TBX5: variants seen among roughly 807,000 people sequenced by gnomAD.
TBX5 encodes the protein T-box transcription factor TBX5.
TBX5 carries 8 observed loss-of-function variants against 51.1 expected under a neutral mutation model. That is an observed-to-expected ratio of 0.16 (90% CI 0.09 to 0.28). The LOEUF is 0.28. Among genes scored for constraint, TBX5 ranks in the 10% least tolerant of loss-of-function variants. The pLI is 1.00. For synonymous variants in TBX5, 302 were observed against 266.4 expected (o/e 1.13, Z -1.30); for missense variants, 589 against 671.7 (o/e 0.88, Z 1.36).
intron 5 of TBX5, 27 bp downstream of exon 5, chr12:114,398,546 G>A: frequency 3.1e-6 from 5 of 1,608,970 alleles, no homozygotes; most frequent in Non-Finnish European, 4.2e-6. Context: ...GGGAGACAAG[G>A]CGGGGAATCC....
chr12:114,363,080 G>A (rs142873819), intron 8 of TBX5, among the ~76,000 whole-genome samples: 2 of 152,314 alleles, frequency 1.3e-5, no homozygotes, highest in Non-Finnish European at 2.9e-5. Context: ...GCACTTGTAG[G>A]TGCCAGACAC....
intron 8 of TBX5, among the ~76,000 whole-genome samples, chr12:114,363,967 G>A (rs7135659): frequency 0.66 from 100,254 of 152,066 alleles, 33,745 homozygotes; most frequent in Non-Finnish European, 0.74. Context: ...CAGACGTGCC[G>A]GGAGTCACGC....
intron 6 of TBX5, among the ~76,000 whole-genome samples, chr12:114,393,197 CTCTCCTGTCCAGTCCCCA>C (rs1470624540): frequency 1.3e-5 from 2 of 152,168 alleles, no homozygotes; most frequent in Non-Finnish European, 2.9e-5. Flanking sequence ...CTTCTCCGGC[CTCTCCTGTCCAGTCCCCA>C]GCTCCTGCAG....
intron 7 of TBX5, among the ~76,000 whole-genome samples, chr12:114,373,838 A>G (rs1201533423): frequency 6.6e-6 from 1 of 152,268 alleles, no homozygotes; most frequent in Non-Finnish European, 1.5e-5. Context: ...ATTTTAGTCC[A>G]GTCTTGTAAA....
intron 7 of TBX5, among the ~76,000 whole-genome samples, chr12:114,370,272 AGAAAAGAAAAGAAAAGAAAG>A (rs765825398): frequency 0.073 from 6,064 of 82,920 alleles, 361 homozygotes; most frequent in Non-Finnish European, 0.13. Context: ...AGAAAAGAAA[AGAAAAGAAAAGAAAAGAAAG>A]AAAAGAAAAG....
At chr12:114,384,745 A>ACACACACACACAAC (rs10629159) in intron 7 of TBX5, among the ~76,000 whole-genome samples, 5,710 of 114,878 alleles carry the variant, frequency 0.05, 112 homozygotes, top group Non-Finnish European at 0.064. Context: ...ACACACACAC[A>ACACACACACACAAC]ACACACACAC....
At chr12:114,365,963 G>C in intron 8 of TBX5, 1 of 666,744 alleles carries the variant, frequency 1.5e-6, no homozygotes, top group Non-Finnish European at 2.7e-6. Context: ...AGGAGGGGCT[G>C]GAACTGGGGG....
chr12:114,398,802 C>A, intron 4 of TBX5, 82 bp from the exon 5 acceptor site: 1 of 1,521,224 alleles, frequency 6.6e-7, no homozygotes, highest in Admixed American at 2.0e-5. Flanking sequence ...TCAGTTCACG[C>A]ACCAGGTGAG....
intron 6 of TBX5, among the ~76,000 whole-genome samples, chr12:114,393,341 C>T (rs1871259517): frequency 6.6e-6 from 1 of 152,132 alleles, no homozygotes; most frequent in Admixed American, 6.5e-5. Flanking sequence ...GGACCCCCCT[C>T]CCACTTTGCC....
At chr12:114,372,820 T>A (rs1390916989) in intron 7 of TBX5, among the ~76,000 whole-genome samples, 8 of 152,096 alleles carry the variant, frequency 5.3e-5, no homozygotes, top group Non-Finnish European at 1.5e-5. Context: ...TGTGCCTTCC[T>A]TCAGTATCCA....
chr12:114,380,986 G>T (rs1273037957), intron 7 of TBX5, among the ~76,000 whole-genome samples: 3 of 152,064 alleles, frequency 2.0e-5, no homozygotes, highest in African/African-American at 7.2e-5. Flanking sequence ...TAATTGGTCT[G>T]CTTGAGACAG....
At chr12:114,383,457 G>T (rs116064481) in intron 7 of TBX5, among the ~76,000 whole-genome samples, 113 of 152,320 alleles carry the variant, frequency 7.4e-4, no homozygotes, top group African/African-American at 2.7e-3. Flanking sequence ...CAGGCCAGAT[G>T]GGAAGGTCAT....
intron 3 of TBX5, 98 bp downstream of exon 3, chr12:114,401,728 G>A: frequency 9.7e-7 from 1 of 1,029,878 alleles, no homozygotes; most frequent in Non-Finnish European, 1.5e-6. Context: ...CTCTCCTTTT[G>A]CCCCTTTCCT....
intron 7 of TBX5, among the ~76,000 whole-genome samples, chr12:114,381,106 G>A (rs1259405199): frequency 6.6e-6 from 1 of 152,198 alleles, no homozygotes; most frequent in Non-Finnish European, 1.5e-5. Flanking sequence ...GGAAAATAAA[G>A]AAGACATCAT....
intron 7 of TBX5, among the ~76,000 whole-genome samples, chr12:114,384,486 T>C (rs534209919): frequency 4.4e-4 from 67 of 152,272 alleles, no homozygotes; most frequent in Non-Finnish European, 8.8e-5. Context: ...AAGCCCGCTA[T>C]CTAAAAACAA....
rs536993995 is a variant in TBX5 at position 114,355,053 on chromosome 12, C to T, written c.*479G>A. ...AAATATACTTGCCTCAGACCTCCCC[C>T]CAAATAAGGGACTGGGTCCCATTAA... On this transcript the variant is annotated 3_prime_UTR_variant, in exon 9 of 9. Coordinates refer to ENST00000405440, the MANE Select transcript of TBX5 (RefSeq NM_181486.4). The T allele has an allele frequency of 3.5e-5, 6 of 171,834 alleles. No individual in the cohort carries two copies. The East Asian group carries it at 9.5e-4, about 27-fold the overall frequency. 10.6% of individuals were successfully genotyped at this position (171,834 alleles called of 1,614,324 possible). A position where few individuals can be genotyped will look rare whatever the true frequency, so the allele number is the denominator to read the frequency against.
At chr12:114,359,773 A>G (rs755827907) in intron 8 of TBX5, among the ~76,000 whole-genome samples, 16 of 152,252 alleles carry the variant, frequency 1.1e-4, no homozygotes, top group Non-Finnish European at 2.2e-4. Flanking sequence ...TCACCAGGTC[A>G]TTCCAATCTC....
Position 114,367,177 on chromosome 12 carries a change from G to T in TBX5, c.756-786C>A, listed in dbSNP as rs557137035. On this transcript the variant is annotated intron_variant, in intron 7 of 8. Transcript: ENST00000405440. The stretch of plus-strand genomic sequence containing the variant: ...AATAGAGGGAGGGAAAAAAGAGAGG[G>T]AAAGAAAATGAGAAAGAAGGAGGAA... Among the ~76,000 whole-genome samples the T allele has an allele frequency of 2.0e-4, 30 of 149,796 alleles. No individual in the cohort carries two copies. The South Asian group carries it at 6.4e-3, about 32-fold the overall frequency.
At chr12:114,404,471 G>C (rs1872065168) in intron 1 of TBX5, among the ~76,000 whole-genome samples, 1 of 148,376 alleles carries the variant, frequency 6.7e-6, no homozygotes, top group Non-Finnish European at 1.5e-5. Context: ...CCCGCCTCTT[G>C]CAAAAAGAAA....
Sources: allele counts gnomAD v4.1 joint callset (sites outside exome capture counted in the v4.1 genomes callset), GRCh38; gene constraint gnomAD v4.1.1; transcripts MANE v1.5; gene names NCBI Gene and HGNC (gene_info 2026-07-23, HGNC 2026-07-21).